Variants in DYNC2H1 observed in about 807,000 individuals in gnomAD.
DYNC2H1 encodes cytoplasmic dynein 2 heavy chain 1.
DYNC2H1 carries 410 observed loss-of-function variants against 570.0 expected under a neutral mutation model. The observed-to-expected ratio is 0.72, with a 90% confidence interval of 0.66 to 0.78. The LOEUF is 0.78. Ranked by LOEUF, DYNC2H1 falls within the 30% of genes least tolerant of loss-of-function variation. The pLI is 0.00. For missense variants in DYNC2H1, 4,865 were observed against 5,046.4 expected (o/e 0.96, Z 1.09); for synonymous variants, 1,688 against 1,677.6 (o/e 1.01, Z -0.15).
chr11:103,455,064 T>C, intron 85 of DYNC2H1, 122 bp from the exon 86 acceptor site: 1 of 627,836 alleles, frequency 1.6e-6, no homozygotes, highest in Non-Finnish European at 2.7e-6. Context: ...TATATATATA[T>C]TTTCTAGCTA....
Position 103,204,198 on chromosome 11 carries a change from GA to G in DYNC2H1, c.8311+425del, listed in dbSNP as rs1862833944. On this transcript the variant is annotated intron_variant, in intron 51 of 88. Transcript: ENST00000375735. The surrounding 1 kb of genome is among the most constrained non-coding windows in gnomAD (Gnocchi z 4.1). Reference sequence around the variant, plus strand: ...ATTCACTATCATGAGAATAGCATGGGAAATACCTGCCCCGCTCCATGATTCA... The same window carrying G: ...ATTCACTATCATGAGAATAGCATGGGAATACCTGCCCCGCTCCATGATTCA... 6.6e-6 allele frequency among the ~76,000 whole-genome samples: 1 copy of G among 152,162 alleles called. No homozygotes were observed. Among genetic ancestry groups the G allele is most frequent in the East Asian group, 1.9e-4 (1 of 5,170 alleles).
chr11:103,459,127 G>A (rs1944903645), intron 87 of DYNC2H1, among the ~76,000 whole-genome samples: 1 of 150,700 alleles, frequency 6.6e-6, no homozygotes, highest in Admixed American at 6.6e-5. Flanking sequence ...GGCTAAAACG[G>A]TGAAACCCCG....
At chr11:103,109,860 T>G (rs1858027180) in intron 1 of DYNC2H1, 91 bp downstream of exon 1, 20 of 1,339,660 alleles carry the variant, frequency 1.5e-5, no homozygotes, top group Non-Finnish European at 2.0e-5. Context: ...TCTTTAGCTT[T>G]ACCAACCAGA....
intron 87 of DYNC2H1, among the ~76,000 whole-genome samples, chr11:103,458,341 A>C (rs1442252247): frequency 6.6e-6 from 1 of 152,174 alleles, no homozygotes; most frequent in Non-Finnish European, 1.5e-5. Context: ...AGTAGGCTAT[A>C]CCATCTAGGT....
At chr11:103,473,557 C>T (rs1184477691) in intron 88 of DYNC2H1, among the ~76,000 whole-genome samples, 2 of 152,122 alleles carry the variant, frequency 1.3e-5, no homozygotes, top group Non-Finnish European at 2.9e-5. Context: ...ACACAATATT[C>T]CCTCCCTTGG....
chr11:103,217,907 T>A (rs1863444517), intron 55 of DYNC2H1, among the ~76,000 whole-genome samples: 1 of 152,120 alleles, frequency 6.6e-6, no homozygotes, highest in Non-Finnish European at 1.5e-5. Context: ...AACAAAAGAT[T>A]TGAGCAGGCC....
chr11:103,181,754 C>G lies in DYNC2H1; in HGVS notation c.6348-3C>G. On this transcript the variant is annotated splice_polypyrimidine_tract_variant and splice_region_variant and intron_variant, in intron 39 of 88. Transcript: ENST00000375735. The surrounding 1 kb of genome is among the most constrained non-coding windows in gnomAD (Gnocchi z 5.0). ...AATTTTTTATTTGTCTAAACTGTTT[C>G]AGTGATGAAGAGACAGATCTTAATT... 6.4e-7 allele frequency: 1 copy of G among 1,550,598 alleles called. No individual in the cohort carries two copies. The highest frequency in any genetic ancestry group is 8.7e-7 in the Non-Finnish European group (1 of 1,146,528).
At chr11:103,112,189 G>A (rs1422941689) in intron 1 of DYNC2H1, among the ~76,000 whole-genome samples, 3 of 152,072 alleles carry the variant, frequency 2.0e-5, no homozygotes, top group African/African-American at 7.3e-5. Context: ...TAAGTACCAA[G>A]GCCCTGAGCT....
At chr11:103,402,165 C>T (rs1047991977) in intron 84 of DYNC2H1, 2 of 152,012 alleles carry the variant, frequency 1.3e-5, no homozygotes, top group Admixed American at 6.6e-5. Flanking sequence ...TAATTGAAAC[C>T]CCTGATGCAA....
At chr11:103,130,945 CAG>C (rs1187299614) in intron 13 of DYNC2H1, among the ~76,000 whole-genome samples, 1 of 152,112 alleles carries the variant, frequency 6.6e-6, no homozygotes, top group Non-Finnish European at 1.5e-5. Context: ...TGTAGAAAAT[CAG>C]ACTGTAATTT....
In DYNC2H1 at chr11:103,158,993, A is replaced by G. The variant is rs1860964981; in HGVS notation, c.4344A>G (p.Ser1448=). The G allele has an allele frequency of 6.2e-7, 1 of 1,613,370 alleles. No individual in the cohort carries two copies. Residue 1448 remains serine (S), a synonymous_variant, in exon 28 of 89, where the codon TCA becomes TCG. Transcript: ENST00000375735. ...LEILGQSTNP[S]VIQSHLKKLF... is the part of the protein sequence containing the mutation. ...TATTGGGCCAGTCTACCAACCCATCAGTGATTCAGTCTCACCTGAAGAAGC... is the reference window on the plus strand; with the variant it reads ...TATTGGGCCAGTCTACCAACCCATCGGTGATTCAGTCTCACCTGAAGAAGC...
chr11:103,392,174 T>C (rs1225737028), intron 83 of DYNC2H1, among the ~76,000 whole-genome samples: 3 of 152,196 alleles, frequency 2.0e-5, no homozygotes, highest in South Asian at 4.1e-4. Context: ...GGCCACTTTG[T>C]TTACCTACTC....
chr11:103,427,206 T>C (rs1943704768), intron 84 of DYNC2H1, among the ~76,000 whole-genome samples: 1 of 152,178 alleles, frequency 6.6e-6, no homozygotes, highest in Non-Finnish European at 1.5e-5. Context: ...CCTAAATGAA[T>C]GTATCACAGA....
chr11:103,256,581 CTTAAG>C lies in DYNC2H1; in HGVS notation c.10461+347_10461+351del, dbSNP rs994174507. On this transcript the variant is annotated intron_variant, in intron 68 of 88. Transcript: ENST00000375735. The surrounding 1 kb of genome is among the most constrained non-coding windows in gnomAD (Gnocchi z 4.0). ...TATCTTTGCCGTTCTTAGAACTTTTCTTAAGTTAAGGCAAGTTAAATATACTAATT... is the reference window on the plus strand; with the variant it reads ...TATCTTTGCCGTTCTTAGAACTTTTCTTAAGGCAAGTTAAATATACTAATT... Among the ~76,000 whole-genome samples, 31 of 152,204 alleles carry C rather than the reference CTTAAG, an allele frequency of 2.0e-4. No individual in the cohort carries two copies. The highest frequency in any genetic ancestry group is 5.2e-4 in the Admixed American group (8 of 15,290).
intron 25 of DYNC2H1, 50 bp from the exon 26 acceptor site, chr11:103,156,338 T>C (rs1424206348): frequency 1.3e-6 from 2 of 1,486,074 alleles, no homozygotes; most frequent in African/African-American, 1.4e-5. Context: ...TAATTACTTA[T>C]GTGAAAATTA....
chr11:103,130,621 A>G (rs1344344862), intron 13 of DYNC2H1, among the ~76,000 whole-genome samples: 3 of 123,826 alleles, frequency 2.4e-5, no homozygotes, highest in Non-Finnish European at 3.3e-5. Flanking sequence ...TTTCTATGCA[A>G]ATTTTTGAAA....
chr11:103,475,768 G>C (rs570155583), intron 88 of DYNC2H1, among the ~76,000 whole-genome samples: 1 of 152,104 alleles, frequency 6.6e-6, no homozygotes, highest in African/African-American at 2.4e-5. Flanking sequence ...CTAGTAAACT[G>C]TTAGTGAATA....
At chr11:103,309,166 C>CTTTTTTTTTTTTTTTTTT (rs1274431520) in intron 78 of DYNC2H1, among the ~76,000 whole-genome samples, 11 of 56,508 alleles carry the variant, frequency 1.9e-4, no homozygotes, top group Non-Finnish European at 3.6e-4. Flanking sequence ...TAACTGCATG[C>CTTTTTTTTTTTTTTTTTT]TATTTTTTTT....
At chr11:103,376,465 G>A (rs1418599870) in intron 83 of DYNC2H1, among the ~76,000 whole-genome samples, 1 of 151,848 alleles carries the variant, frequency 6.6e-6, no homozygotes, top group Non-Finnish European at 1.5e-5. Flanking sequence ...TCTTACTTGT[G>A]TATTTGTTGT....
Sources: allele counts gnomAD v4.1 joint callset (sites outside exome capture counted in the v4.1 genomes callset), GRCh38; gene constraint gnomAD v4.1.1; non-coding constraint Gnocchi (gnomAD v3.1); transcripts MANE v1.5; gene names NCBI Gene and HGNC (gene_info 2026-07-23, HGNC 2026-07-21).